Variants in COL4A1 observed in about 807,000 individuals in gnomAD.
COL4A1 encodes collagen alpha-1(IV) chain.
In COL4A1, 40 loss-of-function variants were observed where a neutral mutation model predicts 216.6. The observed-to-expected ratio is 0.18, with a 90% CI of 0.14 to 0.24. The LOEUF is 0.24. Among genes scored for constraint, COL4A1 ranks in the 10% least tolerant of loss-of-function variants. The pLI is 1.00. For missense variants in COL4A1, 1,628 were observed against 2,196.8 expected (o/e 0.74, Z 5.18); for synonymous variants, 839 against 810.7 (o/e 1.03, Z -0.59).
In COL4A1 at chr13:110,207,373, TC is replaced by T. The variant is rs376694563; in HGVS notation, c.780+29del. On this transcript the variant is annotated intron_variant, in intron 13 of 51. Coordinates refer to ENST00000375820, the MANE Select transcript of COL4A1 (RefSeq NM_001845.6). The surrounding 1 kb of genome is among the most constrained non-coding windows in gnomAD (Gnocchi z 4.4). ...TTGGAATTTGTCCAAAATTAGAAAA[TC>T]AGTATTCACTGATGAAGCCCACTCA... is the stretch of plus-strand genomic sequence containing the variant. 1.9e-4 allele frequency: 294 copies of T among 1,565,176 alleles called. 2 individuals carry two copies. In the East Asian group the frequency reaches 5.1e-3, roughly 27 times the overall value.
chr13:110,165,971 G>A (rs1877317988), intron 45 of COL4A1, among the ~76,000 whole-genome samples: 1 of 152,130 alleles, frequency 6.6e-6, no homozygotes, highest in Non-Finnish European at 1.5e-5. Flanking sequence ...TTCTGAGCCT[G>A]TCAGTGAGAA....
intron 1 of COL4A1, among the ~76,000 whole-genome samples, chr13:110,262,840 G>A (rs627603): frequency 0.66 from 99,751 of 152,114 alleles, 33,128 homozygotes; most frequent in African/African-American, 0.75. Flanking sequence ...TCCAGTTTAC[G>A]GCTGTATTTT....
intron 1 of COL4A1, among the ~76,000 whole-genome samples, chr13:110,306,588 C>A (rs1432011090): frequency 6.6e-6 from 1 of 152,218 alleles, no homozygotes; most frequent in Non-Finnish European, 1.5e-5. Flanking sequence ...AACTCCCTCG[C>A]GCACCCGGGA....
At chr13:110,286,449 G>C (rs1310666605) in intron 1 of COL4A1, among the ~76,000 whole-genome samples, 1 of 152,242 alleles carries the variant, frequency 6.6e-6, no homozygotes, top group Non-Finnish European at 1.5e-5. Flanking sequence ...CCAGAGCCTT[G>C]TGTGGCATTC....
rs757778278 is a variant in COL4A1 at position 110,177,052 on chromosome 13, G to C, written c.2717-15C>G. On this transcript the variant is annotated splice_polypyrimidine_tract_variant and intron_variant, in intron 33 of 51. Transcript: ENST00000375820. Reference sequence around the variant, plus strand: ...GCCATGGTCCCCTGCAGAGGAAAGAGAAGGCACTGGTGAGCCTGGGCCAGT... The same window carrying C: ...GCCATGGTCCCCTGCAGAGGAAAGACAAGGCACTGGTGAGCCTGGGCCAGT... The C allele has an allele frequency of 6.2e-7, 1 of 1,613,434 alleles. No homozygotes were observed. The highest frequency in any genetic ancestry group is 8.5e-7 in the Non-Finnish European group (1 of 1,180,030).
At chr13:110,230,964 T>C (rs1175932494) in intron 2 of COL4A1, among the ~76,000 whole-genome samples, 1 of 152,064 alleles carries the variant, frequency 6.6e-6, no homozygotes, top group Non-Finnish European at 1.5e-5. Flanking sequence ...CTCCTCCCAA[T>C]CAGGAGGCAG....
chr13:110,198,479 G>C lies in COL4A1; in HGVS notation c.1273C>G (p.Pro425Ala). Residue 425 changes from proline to alanine, a missense_variant, in exon 21 of 52, where the codon CCT becomes GCT. By Grantham distance (27) the Pro-to-Ala change is conservative. Transcript: ENST00000375820. ...PPGSPGPPGQ[P>A]GYTNGIVECQ... is the part of the protein sequence containing the mutation. ...TGAGGGAACTCACTTGTGTAGCCAGGCTGCCCAGGGGGCCCAGGGGAACCA... is the reference window on the plus strand; with the variant it reads ...TGAGGGAACTCACTTGTGTAGCCAGCCTGCCCAGGGGGCCCAGGGGAACCA... 6.2e-7 allele frequency: 1 copy of C among 1,613,768 alleles called. No homozygotes were observed. The highest frequency in any genetic ancestry group is 8.5e-7 in the Non-Finnish European group (1 of 1,179,960).
chr13:110,187,866 G>A (rs1265956039), intron 24 of COL4A1, among the ~76,000 whole-genome samples: 1 of 152,200 alleles, frequency 6.6e-6, no homozygotes, highest in Non-Finnish European at 1.5e-5. Context: ...ATACTCCTGT[G>A]CATATTGAAC....
At chr13:110,219,806 ATG>A (rs1290359528) in intron 2 of COL4A1, among the ~76,000 whole-genome samples, 275 of 139,834 alleles carry the variant, frequency 2.0e-3, no homozygotes, top group African/African-American at 7.2e-3. Flanking sequence ...ATATGTATAT[ATG>A]TGTATATATG....
At position 110,183,237 on chromosome 13, in the gene COL4A1, C is replaced by G. The variant is rs532972509; in HGVS notation, c.1937G>C (p.Gly646Ala). The stretch of plus-strand genomic sequence containing the variant: ...CGGCAGTCCTTCTGCTCCAGGGGGG[C>G]CTGGTAAAGGAACAATTTTTCCTGG... ...GEPGKIVPLP[G>A]PPGAEGLPGS... is the part of the protein sequence containing the mutation. Residue 646 changes from glycine (G) to alanine (A), a missense_variant, in exon 27 of 52, where the codon GGC (glycine) becomes GCC (alanine). Gly to Ala is a moderately conservative substitution (Grantham distance 60, BLOSUM62 0). This residue lies in a region of COL4A1 where 701 missense variants were observed against 892.5 expected (regional missense o/e 0.79). Coordinates refer to ENST00000375820, the MANE Select transcript of COL4A1 (RefSeq NM_001845.6). 4 of 1,613,688 alleles carry G rather than the reference C, an allele frequency of 2.5e-6. No homozygotes were observed. Among genetic ancestry groups the G allele is most frequent in the East Asian group, 2.2e-5 (1 of 44,868 alleles).
At chr13:110,195,733 T>C (rs1179182738) in intron 21 of COL4A1, among the ~76,000 whole-genome samples, 2 of 152,266 alleles carry the variant, frequency 1.3e-5, no homozygotes, top group African/African-American at 4.8e-5. Flanking sequence ...TATTGTTTTA[T>C]GATTTGGATA....
At position 110,261,035 on chromosome 13, in the gene COL4A1, T is replaced by TAAAA. The variant is rs1303970828; in HGVS notation, c.85-18302_85-18301insTTTT. 4.4e-3 allele frequency among the ~76,000 whole-genome samples: 186 copies of TAAAA among 41,948 alleles called. 1 individual carries two copies. The highest frequency in any genetic ancestry group is 0.02 in the Middle Eastern group (1 of 50). The allele number at this position is 41,948 out of a possible 152,430, so 27.5% of individuals were successfully genotyped here. On this transcript the variant is annotated intron_variant, in intron 1 of 51. Coordinates refer to ENST00000375820, the MANE Select transcript of COL4A1 (RefSeq NM_001845.6). ...CTGGGTGACAGAGCGAGACTCCGTC[T>TAAAA]CAAAAAAAAAAAAAAAAAAGGCCAA... is the stretch of plus-strand genomic sequence containing the variant.
At chr13:110,201,802 T>C in intron 18 of COL4A1, 1 of 572,854 alleles carries the variant, frequency 1.7e-6, no homozygotes, top group Non-Finnish European at 3.4e-6. Context: ...GTCAATATGG[T>C]GAAACCCCGA....
chr13:110,290,612 G>T (rs917894767), intron 1 of COL4A1, among the ~76,000 whole-genome samples: 26 of 152,256 alleles, frequency 1.7e-4, no homozygotes, highest in African/African-American at 4.8e-4. Context: ...TCACCCTGGA[G>T]TCACCTCCAG....
rs761112750 is a variant in COL4A1, at chr13:110,178,990, T to C, written c.2391A>G (p.Gly797=). ...PGLPGSVGSP[G]VPGIGPPGAR... ...CTCCAGGGGGGCCTATTCCTGGAAC[T>C]CCTGGAGACCCCACGGAGCCTGGCA... The change falls in exon 31 of 52, where the codon GGA becomes GGG. Residue 797 remains glycine, a synonymous_variant. Transcript: ENST00000375820. 6.2e-6 allele frequency: 10 copies of C among 1,612,174 alleles called. No homozygotes were observed. The Admixed American group carries it at 6.7e-5, about 11-fold the overall frequency.
At position 110,198,490 on chromosome 13, in the gene COL4A1, G is replaced by C; in HGVS notation, c.1262C>G (p.Pro421Arg). ...GLPGPPGSPGPPGQPGYTNGI... is the reference protein window; with the variant it reads ...GLPGPPGSPGRPGQPGYTNGI... ...ACTTGTGTAGCCAGGCTGCCCAGGG[G>C]GCCCAGGGGAACCAGGAGGACCCGG... The change falls in exon 21 of 52, where the codon CCC (proline) becomes CGC (arginine). Residue 421 changes from proline (P) to arginine (R), a missense_variant. This residue lies in a region of COL4A1 where 701 missense variants were observed against 892.5 expected (regional missense o/e 0.79). Transcript: ENST00000375820. 1.2e-6 allele frequency: 2 copies of C among 1,613,330 alleles called. No homozygotes were observed. The highest frequency in any genetic ancestry group is 1.7e-6 in the Non-Finnish European group (2 of 1,179,522).
intron 1 of COL4A1, among the ~76,000 whole-genome samples, chr13:110,254,340 C>A (rs1882418359): frequency 6.6e-6 from 1 of 152,118 alleles, no homozygotes; most frequent in Admixed American, 6.6e-5. Flanking sequence ...GATAGTTTTC[C>A]CATCAACAGA....
chr13:110,233,546 T>C (rs1211913901), intron 2 of COL4A1, among the ~76,000 whole-genome samples: 4 of 151,976 alleles, frequency 2.6e-5, no homozygotes, highest in Admixed American at 6.6e-5. Flanking sequence ...GGCTGGCCGA[T>C]GGGAGGGAGG....
chr13:110,165,473 A>T (rs115258456), intron 45 of COL4A1, among the ~76,000 whole-genome samples: 2,413 of 152,184 alleles, frequency 0.016, 79 homozygotes, highest in African/African-American at 0.056. Context: ...AAGTCTTGGC[A>T]TGTGGTAAGA....
Sources: allele counts gnomAD v4.1 joint callset (sites outside exome capture counted in the v4.1 genomes callset), GRCh38; gene constraint gnomAD v4.1.1; regional missense constraint gnomAD v4.1.1; non-coding constraint Gnocchi (gnomAD v3.1); transcripts MANE v1.5; gene names NCBI Gene and HGNC (gene_info 2026-07-23, HGNC 2026-07-21).